The following TTC17 variants were observed in gnomAD, a reference collection of about 807,000 sequenced individuals.
TTC17 encodes the protein tetratricopeptide repeat protein 17.
Under a neutral mutation model 143.8 loss-of-function variants are expected in TTC17, and 58 were observed. The ratio of observed to expected loss-of-function variants is 0.40; its 90% CI spans 0.33 to 0.50. The LOEUF (loss-of-function observed/expected upper bound fraction) is 0.50. TTC17 is among the 20% of genes least tolerant of loss of function. TTC17 has a pLI of 0.49. For synonymous variants in TTC17, 501 were observed against 497.8 expected (o/e 1.01, Z -0.09); for missense variants, 1,273 against 1,392.5 (o/e 0.91, Z 1.37).
intron 3 of TTC17, 99 bp downstream of exon 3, chr11:43,389,920 C>A: frequency 9.0e-7 from 1 of 1,107,650 alleles, no homozygotes; most frequent in Non-Finnish European, 1.3e-6. Context: ...AAGCTTCAAT[C>A]ACAGATGAGT....
intron 9 of TTC17, 24 bp from the exon 10 acceptor site, chr11:43,401,422 G>A (rs773279095): frequency 1.1e-5 from 17 of 1,522,704 alleles, no homozygotes; most frequent in Non-Finnish European, 9.9e-6. Context: ...CTCATCATTT[G>A]TGTAATTTCC....
At chr11:43,474,535 C>T (rs1277139392) in intron 21 of TTC17, among the ~76,000 whole-genome samples, 3 of 152,210 alleles carry the variant, frequency 2.0e-5, no homozygotes, top group South Asian at 4.1e-4. Flanking sequence ...TTTAATAAAG[C>T]AGTTTCTACT....
chr11:43,383,437 C>T (rs1450354378), intron 2 of TTC17, among the ~76,000 whole-genome samples: 3 of 152,126 alleles, frequency 2.0e-5, no homozygotes, highest in African/African-American at 4.8e-5. Context: ...CTGCAGCCTC[C>T]GCCTCCTGGG....
chr11:43,454,392 A>G (rs1210853251), intron 21 of TTC17, among the ~76,000 whole-genome samples: 1 of 152,178 alleles, frequency 6.6e-6, no homozygotes. Context: ...AGATAACCTG[A>G]AAATAGTATG....
At chr11:43,426,377 A>G (rs1465768475) in intron 16 of TTC17, among the ~76,000 whole-genome samples, 1 of 152,248 alleles carries the variant, frequency 6.6e-6, no homozygotes, top group Non-Finnish European at 1.5e-5. Flanking sequence ...TAACAAAAAT[A>G]CATAATATCA....
chr11:43,381,026 A>C (rs1444974092), intron 2 of TTC17, among the ~76,000 whole-genome samples: 2 of 152,080 alleles, frequency 1.3e-5, no homozygotes, highest in Non-Finnish European at 2.9e-5. Flanking sequence ...CTATCTTTTT[A>C]GGGAGGCAGT....
chr11:43,419,960 G>T (rs1309734935), intron 16 of TTC17, among the ~76,000 whole-genome samples: 1 of 152,226 alleles, frequency 6.6e-6, no homozygotes, highest in South Asian at 2.1e-4. Context: ...ATCCTGAGAT[G>T]CAGGTATATC....
At chr11:43,388,499 A>G (rs1331186571) in intron 2 of TTC17, among the ~76,000 whole-genome samples, 1 of 151,976 alleles carries the variant, frequency 6.6e-6, no homozygotes, top group Non-Finnish European at 1.5e-5. Context: ...AGAGATTTAG[A>G]AGACATTAAA....
chr11:43,442,009 G>A (rs868229595), intron 16 of TTC17, among the ~76,000 whole-genome samples: 1 of 152,142 alleles, frequency 6.6e-6, no homozygotes, highest in African/African-American at 2.4e-5. Flanking sequence ...AGAGTGTACT[G>A]TACTTACTTA....
intron 2 of TTC17, 47 bp from the exon 3 acceptor site, chr11:43,389,605 C>G (rs757566055): frequency 2.0e-6 from 3 of 1,529,812 alleles, no homozygotes; most frequent in Middle Eastern, 1.8e-4. Flanking sequence ...GGTAGTTAGA[C>G]TAAAATATTA....
chr11:43,458,946 A>G (rs887638484), intron 21 of TTC17, among the ~76,000 whole-genome samples: 2 of 151,952 alleles, frequency 1.3e-5, no homozygotes, highest in Non-Finnish European at 2.9e-5. Flanking sequence ...TATAGGAAAA[A>G]ATAATAGTTT....
rs1359711419 is a variant in TTC17, at chr11:43,494,510, C to T, written c.*606C>T. ...TTACAACAACAAAAATTCTTAGGAT[C>T]ACCTGACCTTTGTAATGTTATTTAT... On this transcript the variant is annotated 3_prime_UTR_variant, in exon 24 of 24. Coordinates refer to ENST00000039989, the MANE Select transcript of TTC17 (RefSeq NM_018259.6). 1 of 152,018 alleles carries T rather than the reference C, an allele frequency of 6.6e-6. No homozygotes were observed. The highest frequency in any genetic ancestry group is 1.5e-5 in the Non-Finnish European group (1 of 68,054). 9.4% of individuals were successfully genotyped at this position (152,018 alleles called of 1,614,324 possible).
At chr11:43,436,429 T>C in intron 16 of TTC17, 1 of 1,102,404 alleles carries the variant, frequency 9.1e-7, no homozygotes, top group Non-Finnish European at 1.2e-6. Flanking sequence ...TTTGTTTTCT[T>C]CTTTAACAAT....
At chr11:43,425,973 C>T (rs1389760152) in intron 16 of TTC17, among the ~76,000 whole-genome samples, 1 of 152,242 alleles carries the variant, frequency 6.6e-6, no homozygotes, top group East Asian at 1.9e-4. Context: ...TTGTTAATAA[C>T]CCAGTCAGGT....
At chr11:43,491,100 T>C (rs1948467877) in intron 22 of TTC17, 1 of 152,192 alleles carries the variant, frequency 6.6e-6, no homozygotes, top group Non-Finnish European at 1.5e-5. Context: ...TTGTCAGGCA[T>C]TGCTGAGTTT....
intron 15 of TTC17, among the ~76,000 whole-genome samples, chr11:43,414,355 T>C (rs1946728435): frequency 6.6e-6 from 1 of 152,096 alleles, no homozygotes; most frequent in Admixed American, 6.6e-5. Flanking sequence ...TACAGGGGTA[T>C]ATACATATAT....
chr11:43,408,485 T>G (rs529261513), intron 15 of TTC17, among the ~76,000 whole-genome samples: 1 of 152,304 alleles, frequency 6.6e-6, no homozygotes, highest in Non-Finnish European at 1.5e-5. Flanking sequence ...GCTGGTACAG[T>G]GGGAACAGAT....
At chr11:43,364,674 A>G (rs1856259318) in intron 1 of TTC17, among the ~76,000 whole-genome samples, 1 of 151,930 alleles carries the variant, frequency 6.6e-6, no homozygotes, top group Non-Finnish European at 1.5e-5. Flanking sequence ...GTCCACTATT[A>G]TTTTTCTTCT....
At chr11:43,449,906 T>C (rs748158572) in intron 19 of TTC17, 176 bp from the exon 20 acceptor site, 1 of 694,986 alleles carries the variant, frequency 1.4e-6, no homozygotes, top group Non-Finnish European at 2.3e-6. Flanking sequence ...ACTTATATCT[T>C]GGAAGAAGAA....
Sources: gnomAD v4.1 joint callset for allele counts (sites outside exome capture counted in the v4.1 genomes callset) on GRCh38, gnomAD v4.1.1 for gene constraint, MANE v1.5 for transcripts, NCBI Gene and HGNC (gene_info 2026-07-23, HGNC 2026-07-21) for gene names.